The following SOX5 variants were observed in gnomAD, a reference collection of about 807,000 sequenced individuals.
SOX5 encodes SRY-box transcription factor 5, also known as transcription factor SOX-5.
SOX5 carries 9 observed loss-of-function variants against 92.0 expected under a neutral mutation model. The ratio of observed to expected loss-of-function variants is 0.10; its 90% CI spans 0.06 to 0.17. The LOEUF (loss-of-function observed/expected upper bound fraction) is 0.17, where lower values mean the gene tolerates loss of function less well. Among genes scored for constraint, SOX5 ranks in the 10% least tolerant of loss-of-function variants. The pLI, the probability that SOX5 is intolerant of heterozygous loss-of-function variation, is 1.00. For synonymous variants in SOX5, 344 were observed against 336.3 expected (o/e 1.02, Z -0.25); for missense variants, 642 against 944.5 (o/e 0.68, Z 4.20).
intron 1 of SOX5, among the ~76,000 whole-genome samples, chr12:24,471,368 T>C (rs935206726): frequency 1.3e-5 from 2 of 152,218 alleles, no homozygotes; most frequent in Non-Finnish European, 2.9e-5. Flanking sequence ...AAAAAACATG[T>C]TAACACATGC....
chr12:23,682,678 A>G (rs1461304581), intron 6 of SOX5, among the ~76,000 whole-genome samples: 1 of 151,900 alleles, frequency 6.6e-6, no homozygotes, highest in Non-Finnish European at 1.5e-5. Flanking sequence ...AATTCTCAAC[A>G]TAAATCTTAA....
chr12:23,967,176 C>T (rs1188555468), intron 4 of SOX5, among the ~76,000 whole-genome samples: 2 of 152,070 alleles, frequency 1.3e-5, no homozygotes, highest in Non-Finnish European at 1.5e-5. Flanking sequence ...CATAAGCATA[C>T]ACACACAGTA....
At chr12:24,319,169 T>C (rs936253963) in intron 2 of SOX5, among the ~76,000 whole-genome samples, 1 of 152,204 alleles carries the variant, frequency 6.6e-6, no homozygotes, top group Non-Finnish European at 1.5e-5. Flanking sequence ...CTCCCTTGTG[T>C]ATCTAACTTT....
chr12:24,119,671 G>C (rs887064007), intron 4 of SOX5, among the ~76,000 whole-genome samples: 2 of 151,848 alleles, frequency 1.3e-5, no homozygotes, highest in Non-Finnish European at 2.9e-5. Context: ...AAACCTATTA[G>C]TTTTTCATTT....
At chr12:23,608,226 C>T (rs2075520093) in intron 8 of SOX5, among the ~76,000 whole-genome samples, 1 of 145,912 alleles carries the variant, frequency 6.9e-6, no homozygotes, top group Admixed American at 6.8e-5. Context: ...AATAACTTGA[C>T]TCTTACCTTG....
Position 24,094,508 on chromosome 12 carries a change from A to G in SOX5, c.-2+118835T>C, listed in dbSNP as rs1271462538. Among the ~76,000 whole-genome samples the G allele has an allele frequency of 2.7e-5, 4 of 146,572 alleles. No individual in the cohort carries two copies. In the East Asian group the frequency reaches 8.0e-4, roughly 29 times the overall value. On this transcript the variant is annotated intron_variant, in intron 4 of 4. Coordinates refer to the SOX5 transcript ENST00000446891. ...AGGTGTCTTTTGATGTGTAGAAAAT[A>G]TCATTTACAAAATGCCAGATTTACT...
At chr12:23,783,440 C>T (rs180988069) in intron 3 of SOX5, among the ~76,000 whole-genome samples, 1 of 152,122 alleles carries the variant, frequency 6.6e-6, no homozygotes, top group Non-Finnish European at 1.5e-5. Flanking sequence ...AAGAACTAAG[C>T]AAAGATTTAA....
chr12:23,959,734 T>A (rs1264541992), intron 4 of SOX5, among the ~76,000 whole-genome samples: 1 of 152,040 alleles, frequency 6.6e-6, no homozygotes, highest in Non-Finnish European at 1.5e-5. Flanking sequence ...GCAATACAAA[T>A]TGTTCAAAGA....
intron 6 of SOX5, among the ~76,000 whole-genome samples, chr12:23,731,384 ATATC>A (rs1269666260): frequency 6.6e-6 from 1 of 152,128 alleles, no homozygotes; most frequent in East Asian, 1.9e-4. Context: ...ATCTATATTT[ATATC>A]TATCTATATC....
chr12:23,884,125 T>C (rs573384789), intron 2 of SOX5, among the ~76,000 whole-genome samples: 1 of 152,362 alleles, frequency 6.6e-6, no homozygotes, highest in Non-Finnish European at 1.5e-5. Flanking sequence ...AGTACCTGCA[T>C]ATGCCAGCAC....
At chr12:23,964,874 C>G (rs1947358786) in intron 4 of SOX5, among the ~76,000 whole-genome samples, 3 of 152,208 alleles carry the variant, frequency 2.0e-5, no homozygotes, top group Admixed American at 1.3e-4. Context: ...GAGCCTTCGA[C>G]AGATGACCCA....
chr12:24,276,441 G>A (rs1482219961), intron 3 of SOX5, among the ~76,000 whole-genome samples: 5 of 152,134 alleles, frequency 3.3e-5, no homozygotes, highest in Admixed American at 6.5e-5. Context: ...TATGCAAGAT[G>A]AACAGTGTTT....
At chr12:24,259,915 T>A (rs956292677) in intron 3 of SOX5, among the ~76,000 whole-genome samples, 1 of 152,154 alleles carries the variant, frequency 6.6e-6, no homozygotes, top group African/African-American at 2.4e-5. Context: ...TACAGAAAAG[T>A]CATCTTGAAG....
At chr12:24,044,723 A>T (rs185280717) in intron 4 of SOX5, among the ~76,000 whole-genome samples, 35 of 152,340 alleles carry the variant, frequency 2.3e-4, no homozygotes, top group Admixed American at 2.0e-3. Context: ...TCCATATCGA[A>T]CTGAACCTAA....
At chr12:23,595,702 ATGTAAT>A (rs536195844) in intron 9 of SOX5, among the ~76,000 whole-genome samples, 98 of 152,002 alleles carry the variant, frequency 6.4e-4, no homozygotes, top group African/African-American at 2.3e-3. Context: ...GAACTGAATA[ATGTAAT>A]TGTTATTCAG....
intron 1 of SOX5, among the ~76,000 whole-genome samples, chr12:24,476,094 C>T (rs1387251291): frequency 6.6e-6 from 1 of 152,030 alleles, no homozygotes; most frequent in Admixed American, 6.6e-5. Context: ...GGCAGTGCTA[C>T]ACAAGCATGG....
chr12:24,454,929 CTCTT>C (rs935727172), intron 1 of SOX5, among the ~76,000 whole-genome samples: 4 of 152,114 alleles, frequency 2.6e-5, no homozygotes, highest in Non-Finnish European at 4.4e-5. Context: ...CTTTCACTCT[CTCTT>C]CTTAGAAAAA....
chr12:24,087,701 T>C (rs1210066276), intron 4 of SOX5, among the ~76,000 whole-genome samples: 2 of 152,108 alleles, frequency 1.3e-5, no homozygotes, highest in Non-Finnish European at 2.9e-5. Flanking sequence ...GATCATTTAA[T>C]TTACTACTGT....
At chr12:23,730,638 A>G (rs2093355756) in intron 6 of SOX5, among the ~76,000 whole-genome samples, 1 of 152,246 alleles carries the variant, frequency 6.6e-6, no homozygotes, top group Non-Finnish European at 1.5e-5. Flanking sequence ...AGTTAGAATT[A>G]TGCAGTTTTA....
Sources: gnomAD v4.1 joint callset for allele counts (sites outside exome capture counted in the v4.1 genomes callset) on GRCh38, gnomAD v4.1.1 for gene constraint, MANE v1.5 for transcripts, NCBI Gene and HGNC (gene_info 2026-07-23, HGNC 2026-07-21) for gene names.